The following HMCN1 variants were observed in gnomAD, a reference collection of about 807,000 sequenced individuals.
HMCN1 encodes the protein hemicentin-1.
Under a neutral mutation model 625.9 loss-of-function variants are expected in HMCN1, and 321 were observed. That is an observed-to-expected ratio of 0.51 (90% CI 0.47 to 0.56). HMCN1 has a LOEUF of 0.56. Among genes scored for constraint, HMCN1 ranks in the 20% least tolerant of loss-of-function variants. The pLI is 0.00. For synonymous variants in HMCN1, 2,425 were observed against 2,417.6 expected (o/e 1.00, Z -0.09); for missense variants, 6,588 against 6,887.3 (o/e 0.96, Z 1.54).
At chr1:186,132,273 G>C in intron 85 of HMCN1, 55 bp from the exon 86 acceptor site, 2 of 1,245,332 alleles carry the variant, frequency 1.6e-6, no homozygotes, top group Non-Finnish European at 2.3e-6. Flanking sequence ...TGAAAAAAGT[G>C]ATTGCCCTGC....
Position 186,103,883 on chromosome 1 carries a change from C to A in HMCN1, c.10770+215C>A, listed in dbSNP as rs144587668. Among the ~76,000 whole-genome samples, 565 of 152,208 alleles carry A rather than the reference C, an allele frequency of 3.7e-3. 4 individuals carry two copies. Among genetic ancestry groups the A allele is most frequent in the African/African-American group, 0.013 (538 of 41,526 alleles). On this transcript the variant is annotated intron_variant, in intron 69 of 106. Transcript: ENST00000271588. The stretch of plus-strand genomic sequence containing the variant: ...ATTAAACTCCGAAGAAAGCAAGATA[C>A]CTTTCCATTAACTTTTGCAAGTTTT...
At chr1:186,042,821 G>A (rs556852803) in intron 40 of HMCN1, among the ~76,000 whole-genome samples, 37 of 152,124 alleles carry the variant, frequency 2.4e-4, no homozygotes, top group South Asian at 2.1e-3. Context: ...TTGGTGATGT[G>A]TGTCTAATTA....
intron 36 of HMCN1, among the ~76,000 whole-genome samples, chr1:186,025,355 G>GT (rs1654997422): frequency 6.6e-6 from 1 of 152,172 alleles, no homozygotes; most frequent in African/African-American, 2.4e-5. Flanking sequence ...AGTCCTGGAA[G>GT]TATCTGCCTA....
At position 186,144,666 on chromosome 1, in the gene HMCN1, T is replaced by C. The variant is rs746810106; in HGVS notation, c.14229T>C (p.Asp4743=). The C allele has an allele frequency of 6.2e-6, 10 of 1,614,130 alleles. No individual in the cohort carries two copies. The highest frequency in any genetic ancestry group is 5.5e-5 in the South Asian group (5 of 91,074). The change falls in exon 91 of 107, where the codon GAT becomes GAC. Residue 4743 remains aspartate (D), a synonymous_variant. Transcript: ENST00000271588. The part of the protein sequence containing the change: ...QYGGRKCEGS[D]VQSDFCNSDP... The stretch of plus-strand genomic sequence containing the variant: ...GAGGAAGGAAATGCGAAGGGAGTGA[T>C]GTCCAGAGTGATTTTTGCAACAGTG...
chr1:186,164,240 C>CTTTTTTTTTTTTTT (rs57317105), intron 97 of HMCN1, among the ~76,000 whole-genome samples: 2 of 131,558 alleles, frequency 1.5e-5, no homozygotes, highest in African/African-American at 6.1e-5. Context: ...TAACTTAAAT[C>CTTTTTTTTTTTTTT]TTTTTTTTTT....
At chr1:186,046,259 A>C (rs1377028554) in intron 41 of HMCN1, among the ~76,000 whole-genome samples, 2 of 152,156 alleles carry the variant, frequency 1.3e-5, no homozygotes, top group African/African-American at 4.8e-5. Context: ...ACTTGAGGTC[A>C]GGAGTTCGAG....
At chr1:185,820,833 A>G (rs74135362) in intron 1 of HMCN1, among the ~76,000 whole-genome samples, 6,295 of 152,124 alleles carry the variant, frequency 0.041, 433 homozygotes, top group African/African-American at 0.14. Flanking sequence ...GCCATAAACT[A>G]CAAGTGAAAT....
At chr1:185,888,932 T>G (rs1664859305) in intron 4 of HMCN1, among the ~76,000 whole-genome samples, 1 of 147,876 alleles carries the variant, frequency 6.8e-6, no homozygotes, top group Non-Finnish European at 1.5e-5. Flanking sequence ...TGATTCTTTC[T>G]ACCCATGAGC....
At chr1:186,020,074 A>G (rs778221449) in intron 35 of HMCN1, among the ~76,000 whole-genome samples, 11 of 152,074 alleles carry the variant, frequency 7.2e-5, no homozygotes, top group African/African-American at 2.7e-4. Context: ...TGTAGGTAAC[A>G]TAAGTCTTGA....
chr1:185,925,182 A>G lies in HMCN1; in HGVS notation c.1421A>G (p.Gln474Arg), dbSNP rs537908931. ...VRNGVTLGVD[Q>R]YLKESASVNL... The stretch of plus-strand genomic sequence containing the variant: ...AATGGAGTTACACTTGGAGTAGACC[A>G]GTATTTGAAGTAGGTACATGTTTCT... The change falls in exon 9 of 107, where the codon CAG (glutamine) becomes CGG (arginine). Residue 474 changes from glutamine (Q) to arginine (R), a missense_variant. Physicochemically the swap from Gln to Arg is conservative, Grantham distance 43. This residue lies in a region of HMCN1 where 4,628 missense variants were observed against 4,853.1 expected (regional missense o/e 0.95). Transcript: ENST00000271588. 3 of 1,613,312 alleles carry G rather than the reference A, an allele frequency of 1.9e-6. No homozygotes were observed. The highest frequency in any genetic ancestry group is 1.7e-5 in the Admixed American group (1 of 60,030).
chr1:185,951,148 G>A (rs1253716400), intron 11 of HMCN1, among the ~76,000 whole-genome samples: 5 of 146,120 alleles, frequency 3.4e-5, no homozygotes, highest in African/African-American at 1.1e-4. Flanking sequence ...GGGTTAAGGT[G>A]GGGGGATACA....
chr1:186,108,718 T>G, intron 71 of HMCN1, 121 bp downstream of exon 71: 2 of 1,141,388 alleles, frequency 1.8e-6, no homozygotes, highest in South Asian at 2.6e-5. Context: ...TTATTCAACA[T>G]TGCAGCAGTA....
intron 18 of HMCN1, 47 bp from the exon 19 acceptor site, chr1:185,984,122 C>T (rs1651846970): frequency 6.5e-7 from 1 of 1,539,482 alleles, no homozygotes; most frequent in African/African-American, 1.4e-5. Flanking sequence ...TTGACTCTCA[C>T]AAATCCTTTC....
chr1:186,128,167 C>T lies in HMCN1; in HGVS notation c.12780C>T (p.Pro4260=). The change falls in exon 83 of 107, where the codon CCC becomes CCT. Residue 4260 remains proline, a synonymous_variant. Coordinates refer to ENST00000271588, the MANE Select transcript of HMCN1 (RefSeq NM_031935.3). Reference sequence around the variant, plus strand: ...TCAGCCTGACTGTGCATGTTCTCCCCACTTTTACTGAACTTCCTGGAGACG... The same window carrying T: ...TCAGCCTGACTGTGCATGTTCTCCCTACTTTTACTGAACTTCCTGGAGACG... ...HTVSLTVHVL[P]TFTELPGDVS... 6.2e-7 allele frequency: 1 copy of T among 1,613,668 alleles called. No individual in the cohort carries two copies. The highest frequency in any genetic ancestry group is 8.5e-7 in the Non-Finnish European group (1 of 1,179,750).
rs1659160451 is a variant in HMCN1 at position 186,081,379 on chromosome 1, T to C, written c.8772T>C (p.Asn2924=). 1.9e-6 allele frequency: 3 copies of C among 1,612,520 alleles called. No homozygotes were observed. Among genetic ancestry groups the C allele is most frequent in the African/African-American group, 2.7e-5 (2 of 74,890 alleles). ...LEDDHHKFLS[N]GRILQILNTQ... ...ATGACCATCATAAATTTCTATCTAA[T>C]GGACGAATTCTGCAGGTAAAAGTAA... The change falls in exon 56 of 107, where the codon AAT becomes AAC. Residue 2924 remains asparagine (N), a synonymous_variant. Transcript: ENST00000271588.
intron 11 of HMCN1, 31 bp from the exon 12 acceptor site, chr1:185,962,487 T>C (rs761507814): frequency 6.2e-7 from 1 of 1,604,760 alleles, no homozygotes; most frequent in Non-Finnish European, 8.5e-7. Flanking sequence ...TAAATTGGCA[T>C]TTTTCTACAT....
Position 186,113,770 on chromosome 1 carries a change from C to T in HMCN1, c.11132-209C>T, listed in dbSNP as rs1439352252. Among the ~76,000 whole-genome samples, 6 of 152,296 alleles carry T rather than the reference C, an allele frequency of 3.9e-5. No individual in the cohort carries two copies. In the East Asian group the frequency reaches 9.6e-4, roughly 24 times the overall value. ...CACCATATTAGGGATTTAAAATTCC[C>T]CTCCCTATCTACCCTTTATTTTTAA... On this transcript the variant is annotated intron_variant, in intron 72 of 106. Coordinates refer to ENST00000271588, the MANE Select transcript of HMCN1 (RefSeq NM_031935.3).
chr1:185,980,908 G>A, intron 16 of HMCN1, 70 bp from the exon 17 acceptor site: 1 of 946,712 alleles, frequency 1.1e-6, no homozygotes, highest in Non-Finnish European at 1.7e-6. Flanking sequence ...ACAGATCTCA[G>A]CACTGTTTCT....
chr1:185,943,373 G>A (rs1668177892), intron 11 of HMCN1, among the ~76,000 whole-genome samples: 1 of 152,214 alleles, frequency 6.6e-6, no homozygotes, highest in African/African-American at 2.4e-5. Context: ...GGTAGATAGT[G>A]TCAGAACTGA....
Sources: allele counts gnomAD v4.1 joint callset (sites outside exome capture counted in the v4.1 genomes callset), GRCh38; gene constraint gnomAD v4.1.1; regional missense constraint gnomAD v4.1.1; transcripts MANE v1.5; gene names NCBI Gene and HGNC (gene_info 2026-07-23, HGNC 2026-07-21).